GALNT13: variants seen among roughly 807,000 people sequenced by gnomAD.
GALNT13 encodes the protein polypeptide N-acetylgalactosaminyltransferase 13.
Under a neutral mutation model 64.2 loss-of-function variants are expected in GALNT13, and 28 were observed. The observed-to-expected ratio is 0.44, with a 90% confidence interval of 0.32 to 0.60. The LOEUF (loss-of-function observed/expected upper bound fraction) is 0.60, where lower values mean the gene tolerates loss of function less well. Ranked by LOEUF, GALNT13 falls within the 20% of genes least tolerant of loss-of-function variation. GALNT13 has a pLI of 0.05. For synonymous variants in GALNT13, 214 were observed against 224.6 expected (o/e 0.95, Z 0.42); for missense variants, 577 against 669.8 (o/e 0.86, Z 1.53).
chr2:153,524,297 T>C, the GALNT13 span, among the ~76,000 whole-genome samples: 2 of 151,860 alleles, frequency 1.3e-5, no homozygotes, highest in Admixed American at 1.3e-4. Context: ...GCTGGCTTCA[T>C]AGAATAAGTT....
chr2:154,369,471 G>A (rs1697560106), intron 9 of GALNT13, among the ~76,000 whole-genome samples: 1 of 152,170 alleles, frequency 6.6e-6, no homozygotes, highest in South Asian at 2.1e-4. Flanking sequence ...AGCATTGCAT[G>A]TTTGCTGATA....
At chr2:153,249,280 G>A in the GALNT13 span, among the ~76,000 whole-genome samples, 1 of 152,032 alleles carries the variant, frequency 6.6e-6, no homozygotes, top group African/African-American at 2.4e-5. Context: ...TTTACAATTA[G>A]TATAAAGAGA....
At chr2:154,037,848 G>A (rs1698753146) in intron 3 of GALNT13, among the ~76,000 whole-genome samples, 1 of 152,162 alleles carries the variant, frequency 6.6e-6, no homozygotes, top group African/African-American at 2.4e-5. Context: ...ACTGGTGAAA[G>A]AGGACATAAA....
chr2:154,378,041 T>C (rs1698082685), intron 9 of GALNT13, among the ~76,000 whole-genome samples: 1 of 152,124 alleles, frequency 6.6e-6, no homozygotes, highest in Non-Finnish European at 1.5e-5. Context: ...TATATGACCC[T>C]TGTCCTTATG....
intron 4 of GALNT13, among the ~76,000 whole-genome samples, chr2:154,190,059 G>A (rs764720198): frequency 1.4e-4 from 21 of 152,060 alleles, no homozygotes; most frequent in Non-Finnish European, 2.2e-4. Context: ...TGTGTTTTTC[G>A]TTATCTTGTT....
intron 1 of GALNT13, among the ~76,000 whole-genome samples, chr2:153,887,191 T>C (rs896282647): frequency 2.6e-5 from 4 of 151,850 alleles, no homozygotes; most frequent in Non-Finnish European, 5.9e-5. Context: ...ATCCACCTTA[T>C]AATTGTAATG....
chr2:154,032,462 T>C (rs35751729), intron 3 of GALNT13, among the ~76,000 whole-genome samples: 28,295 of 151,728 alleles, frequency 0.19, 3,371 homozygotes, highest in Non-Finnish European at 0.26. Flanking sequence ...AGAAAAGAAA[T>C]TGCCAACCAA....
the GALNT13 span, among the ~76,000 whole-genome samples, chr2:153,350,679 G>A: frequency 6.6e-6 from 1 of 152,020 alleles, no homozygotes; most frequent in African/African-American, 2.4e-5. Context: ...CACCACACCT[G>A]GTTATGCATT....
intron 4 of GALNT13, among the ~76,000 whole-genome samples, chr2:154,213,463 A>T (rs1687883804): frequency 1.3e-5 from 2 of 152,202 alleles, no homozygotes; most frequent in Non-Finnish European, 2.9e-5. Flanking sequence ...TGGAAAGCAG[A>T]TTGTACATAT....
At chr2:153,884,857 A>ATG (rs1687055630) in intron 1 of GALNT13, among the ~76,000 whole-genome samples, 2 of 13,210 alleles carry the variant, frequency 1.5e-4, no homozygotes, top group African/African-American at 1.4e-3. Flanking sequence ...ATATGTATAT[A>ATG]CACACACACA....
chr2:153,255,850 G>C, the GALNT13 span, among the ~76,000 whole-genome samples: 1 of 152,196 alleles, frequency 6.6e-6, no homozygotes, highest in Admixed American at 6.5e-5. Flanking sequence ...TTAGTCTGAT[G>C]GGCTTCCCTT....
At chr2:153,291,407 A>C in the GALNT13 span, among the ~76,000 whole-genome samples, 1 of 152,184 alleles carries the variant, frequency 6.6e-6, no homozygotes, top group Non-Finnish European at 1.5e-5. Flanking sequence ...TGAGTTATCC[A>C]TTGTTTTACT....
At chr2:153,663,491 C>T in the GALNT13 span, among the ~76,000 whole-genome samples, 1 of 152,166 alleles carries the variant, frequency 6.6e-6, no homozygotes, top group Non-Finnish European at 1.5e-5. Context: ...GAGCTTCAAG[C>T]TATTCCATGT....
the GALNT13 span, among the ~76,000 whole-genome samples, chr2:153,269,885 C>T: frequency 6.6e-6 from 1 of 152,218 alleles, no homozygotes; most frequent in East Asian, 1.9e-4. Context: ...TGAGAACTCA[C>T]TATCATAAGA....
chr2:153,957,968 T>C (rs1244575656), intron 3 of GALNT13, among the ~76,000 whole-genome samples: 2 of 152,220 alleles, frequency 1.3e-5, no homozygotes, highest in African/African-American at 2.4e-5. Context: ...TCTATGTTTT[T>C]CCTTGTGTAA....
the GALNT13 span, among the ~76,000 whole-genome samples, chr2:153,306,215 CT>C: frequency 6.6e-6 from 1 of 152,264 alleles, no homozygotes; most frequent in South Asian, 2.1e-4. Context: ...TTCCTGCTTT[CT>C]TGTGTGCATG....
chr2:154,086,133 T>C (rs1007423904), intron 3 of GALNT13, among the ~76,000 whole-genome samples: 1 of 148,166 alleles, frequency 6.7e-6, no homozygotes, highest in African/African-American at 2.5e-5. Flanking sequence ...TTATATATCA[T>C]ATAATAAAGT....
chr2:153,974,567 G>A (rs1461520926), intron 3 of GALNT13, among the ~76,000 whole-genome samples: 2 of 151,942 alleles, frequency 1.3e-5, no homozygotes, highest in East Asian at 1.9e-4. Flanking sequence ...TGCTAGTGGA[G>A]GAGATAATAA....
At chr2:153,963,731 CTG>C (rs58455059) in intron 3 of GALNT13, among the ~76,000 whole-genome samples, 8,618 of 100,158 alleles carry the variant, frequency 0.086, 343 homozygotes, top group East Asian at 0.19. Context: ...CTCTCTCTCT[CTG>C]TGTGTGTGTG....
Sources: allele counts gnomAD v4.1 joint callset (sites outside exome capture counted in the v4.1 genomes callset), GRCh38; gene constraint gnomAD v4.1.1; transcripts MANE v1.5; gene names NCBI Gene and HGNC (gene_info 2026-07-23, HGNC 2026-07-21).